GRIN2B: variants seen among roughly 807,000 people sequenced by gnomAD.
The protein encoded by GRIN2B is glutamate ionotropic receptor NMDA type subunit 2B, also known as glutamate receptor ionotropic, NMDA 2B.
Under a neutral mutation model 114.5 loss-of-function variants are expected in GRIN2B, and 5 were observed. The observed-to-expected ratio is 0.04, with a 90% CI of 0.02 to 0.09. The LOEUF is 0.09. GRIN2B is among the 10% of genes least tolerant of loss of function. GRIN2B has a pLI of 1.00. For synonymous variants in GRIN2B, 787 were observed against 745.1 expected (o/e 1.06, Z -0.92); for missense variants, 1,108 against 1,943.5 (o/e 0.57, Z 8.08).
intron 3 of GRIN2B, among the ~76,000 whole-genome samples, chr12:13,855,979 C>T (rs1865654347): frequency 6.6e-6 from 1 of 152,150 alleles, no homozygotes; most frequent in Non-Finnish European, 1.5e-5. Flanking sequence ...CACAATGAGC[C>T]TACTCTACAG....
At chr12:13,810,322 T>C (rs1864705189) in intron 3 of GRIN2B, among the ~76,000 whole-genome samples, 2 of 152,012 alleles carry the variant, frequency 1.3e-5, no homozygotes, top group African/African-American at 4.8e-5. Context: ...TTCAAGCGAT[T>C]CTCATGCCTC....
intron 10 of GRIN2B, among the ~76,000 whole-genome samples, chr12:13,582,491 C>A (rs1948866135): frequency 6.6e-6 from 1 of 152,174 alleles, no homozygotes; most frequent in African/African-American, 2.4e-5. Flanking sequence ...TTAATTGTTT[C>A]TGCTTGTTTT....
chr12:13,772,485 C>T (rs1863924074), intron 3 of GRIN2B, among the ~76,000 whole-genome samples: 1 of 152,206 alleles, frequency 6.6e-6, no homozygotes, highest in African/African-American at 2.4e-5. Context: ...GCTCCACCCA[C>T]TTGCCCTGAT....
At chr12:13,602,757 T>A (rs2136457880) in intron 10 of GRIN2B, among the ~76,000 whole-genome samples, 1 of 152,326 alleles carries the variant, frequency 6.6e-6, no homozygotes, top group South Asian at 2.1e-4. Flanking sequence ...AGGTGTTACG[T>A]GGCCATCCTG....
intron 4 of GRIN2B, among the ~76,000 whole-genome samples, chr12:13,702,533 G>A (rs1950322318): frequency 6.6e-6 from 1 of 152,178 alleles, no homozygotes; most frequent in Admixed American, 6.5e-5. Flanking sequence ...AACTAAACCA[G>A]GAAGCACAGC....
chr12:13,684,431 C>G (rs1950158904), intron 4 of GRIN2B, among the ~76,000 whole-genome samples: 1 of 152,150 alleles, frequency 6.6e-6, no homozygotes, highest in Non-Finnish European at 1.5e-5. Context: ...AGTTGCTTCT[C>G]ATTTAGCTCT....
intron 3 of GRIN2B, among the ~76,000 whole-genome samples, chr12:13,813,351 A>C (rs1344253850): frequency 6.6e-6 from 1 of 152,178 alleles, no homozygotes; most frequent in Non-Finnish European, 1.5e-5. Context: ...GCAGAATAAG[A>C]GTGAGGCAAA....
At chr12:13,629,341 T>C (rs577605457) in intron 5 of GRIN2B, among the ~76,000 whole-genome samples, 40 of 152,184 alleles carry the variant, frequency 2.6e-4, no homozygotes, top group Non-Finnish European at 4.7e-4. Context: ...AATGCTTTTC[T>C]TCAGCTGTGG....
At chr12:13,692,153 G>T (rs113205975) in intron 4 of GRIN2B, among the ~76,000 whole-genome samples, 3,400 of 152,196 alleles carry the variant, frequency 0.022, 124 homozygotes, top group African/African-American at 0.078. Context: ...TCAGCAACTT[G>T]CACAGAAGGA....
chr12:13,921,322 C>T (rs1395859241), intron 2 of GRIN2B, among the ~76,000 whole-genome samples: 16 of 152,044 alleles, frequency 1.1e-4, no homozygotes, highest in African/African-American at 4.8e-5. Context: ...CGCTTGAACC[C>T]GGGAGGCAGA....
At chr12:13,629,608 C>T (rs1486830711) in intron 5 of GRIN2B, among the ~76,000 whole-genome samples, 1 of 151,954 alleles carries the variant, frequency 6.6e-6, no homozygotes, top group Non-Finnish European at 1.5e-5. Context: ...CACCCTTTCT[C>T]CTTTCCCTTC....
Position 13,562,636 on chromosome 12 carries a change from C to T in GRIN2B, c.*147G>A, listed in dbSNP as rs527990634. On this transcript the variant is annotated 3_prime_UTR_variant, in exon 14 of 14. Coordinates refer to ENST00000609686, the MANE Select transcript of GRIN2B (RefSeq NM_000834.5). ...TCACCAGGGTTGCCCCCAGTAGGAA[C>T]CAGAACTCCAGGATCCCATAAATAA... 1.2e-5 allele frequency: 9 copies of T among 739,844 alleles called. No homozygotes were observed. Among genetic ancestry groups the T allele is most frequent in the Admixed American group, 2.1e-5 (1 of 48,504 alleles). 45.8% of individuals were successfully genotyped at this position (739,844 alleles called of 1,614,324 possible). A position where few individuals can be genotyped will look rare whatever the true frequency, so the allele number is the denominator to read the frequency against.
At position 13,769,385 on chromosome 12, in the gene GRIN2B, G is replaced by A. The variant is rs370631649; in HGVS notation, c.412-15470C>T. ...CAAGTGTGGCTTTTTTTTGTCACAC[G>A]GTTCTCAAGATGGATGGCAAGCTCA... On this transcript the variant is annotated intron_variant, in intron 3 of 13. Transcript: ENST00000609686. 7.8e-4 allele frequency among the ~76,000 whole-genome samples: 118 copies of A among 151,840 alleles called. 4 individuals are homozygous for A. The highest frequency in any genetic ancestry group is 2.5e-3 in the African/African-American group (103 of 41,408).
At chr12:13,620,760 C>A (rs1949502393) in intron 5 of GRIN2B, among the ~76,000 whole-genome samples, 1 of 152,012 alleles carries the variant, frequency 6.6e-6, no homozygotes, top group African/African-American at 2.4e-5. Context: ...CTTTCTACAT[C>A]CTACAAATTA....
Position 13,875,325 on chromosome 12 carries a change from G to A in GRIN2B, c.-18-9099C>T, listed in dbSNP as rs752618711. Among the ~76,000 whole-genome samples, 16 of 152,154 alleles carry A rather than the reference G, an allele frequency of 1.1e-4. No individual in the cohort carries two copies. The East Asian group carries it at 1.7e-3, about 16-fold the overall frequency. ...GGGTGGATCACGAGGTCAAGAGATCGAGACCATCCTGGCTAACATGGTGAA... is the reference window on the plus strand; with the variant it reads ...GGGTGGATCACGAGGTCAAGAGATCAAGACCATCCTGGCTAACATGGTGAA... On this transcript the variant is annotated intron_variant, in intron 2 of 13. Coordinates refer to ENST00000609686, the MANE Select transcript of GRIN2B (RefSeq NM_000834.5).
intron 10 of GRIN2B, among the ~76,000 whole-genome samples, chr12:13,588,754 G>A (rs1948966214): frequency 6.6e-6 from 1 of 152,138 alleles, no homozygotes; most frequent in Admixed American, 6.5e-5. Flanking sequence ...AGCAATATGT[G>A]GAATGGATGT....
At chr12:13,619,430 A>T (rs1194787386) in intron 5 of GRIN2B, among the ~76,000 whole-genome samples, 1 of 152,224 alleles carries the variant, frequency 6.6e-6, no homozygotes, top group Admixed American at 6.5e-5. Flanking sequence ...ATCATACCAC[A>T]GCTGGAAAAC....
At chr12:13,824,480 G>T (rs1405662550) in intron 3 of GRIN2B, among the ~76,000 whole-genome samples, 3 of 151,802 alleles carry the variant, frequency 2.0e-5, no homozygotes, top group Non-Finnish European at 4.4e-5. Context: ...CCCCTTTCTT[G>T]CCTGATGTTG....
chr12:13,737,881 T>G (rs577961909), intron 4 of GRIN2B, among the ~76,000 whole-genome samples: 1 of 152,254 alleles, frequency 6.6e-6, no homozygotes, highest in Non-Finnish European at 1.5e-5. Flanking sequence ...TTTAATCAGA[T>G]AGATTACATT....
Sources: allele counts gnomAD v4.1 joint callset (sites outside exome capture counted in the v4.1 genomes callset), GRCh38; gene constraint gnomAD v4.1.1; transcripts MANE v1.5; gene names NCBI Gene and HGNC (gene_info 2026-07-23, HGNC 2026-07-21).